Variants in MARCHF10 observed in about 807,000 individuals in gnomAD.
MARCHF10 encodes the protein probable E3 ubiquitin-protein ligase MARCHF10.
MARCHF10 carries 64 observed loss-of-function variants against 76.2 expected under a neutral mutation model. The observed-to-expected ratio is 0.84, with a 90% confidence interval of 0.69 to 1.03. MARCHF10 has a LOEUF of 1.03. Among genes scored for constraint, MARCHF10 ranks in the 50% least tolerant of loss-of-function variants. The probability of loss-of-function intolerance (pLI) is 0.00; values close to 1 mark genes in which losing one functional copy is unlikely to be tolerated. For synonymous variants in MARCHF10, 340 were observed against 357.5 expected (o/e 0.95, Z 0.55); for missense variants, 875 against 958.0 (o/e 0.91, Z 1.14).
chr17:62,796,109 A>G (rs1231825395), intron 2 of MARCHF10, among the ~76,000 whole-genome samples: 1 of 151,444 alleles, frequency 6.6e-6, no homozygotes, highest in Non-Finnish European at 1.5e-5. Flanking sequence ...AGTTCAAGCT[A>G]TTCTCCTGCC....
chr17:62,792,620 G>A (rs1227360654), intron 2 of MARCHF10, among the ~76,000 whole-genome samples: 9 of 88,788 alleles, frequency 1.0e-4, no homozygotes, highest in South Asian at 4.1e-4. Flanking sequence ...AACCACCAAC[G>A]CCTCCATCAC....
chr17:62,793,403 TCAC>T (rs1334926132), intron 2 of MARCHF10, among the ~76,000 whole-genome samples: 4 of 89,164 alleles, frequency 4.5e-5, no homozygotes, highest in African/African-American at 1.8e-4. Flanking sequence ...ACGACCTCCA[TCAC>T]CACCACCATC....
In MARCHF10 at chr17:62,802,454, A is replaced by G. The variant is rs560731111; in HGVS notation, c.-17-702T>C. The stretch of plus-strand genomic sequence containing the variant: ...GGGCTGGTCTCGAGTTCCTGACCTC[A>G]GGTGATTCACTCGCCTCAGCCTCCC... On this transcript the variant is annotated intron_variant, in intron 1 of 10. Transcript: ENST00000311269. Among the ~76,000 whole-genome samples, 85 of 152,240 alleles carry G rather than the reference A, an allele frequency of 5.6e-4. 1 individual carries two copies. The highest frequency in any genetic ancestry group is 1.9e-3 in the African/African-American group (80 of 41,542).
At chr17:62,729,500 TA>T (rs775191665) in intron 6 of MARCHF10, among the ~76,000 whole-genome samples, 3 of 148,096 alleles carry the variant, frequency 2.0e-5, no homozygotes, top group South Asian at 2.1e-4. Flanking sequence ...ATAAATATAC[TA>T]AAAATATATT....
At chr17:62,706,654 C>T (rs983195468) in intron 9 of MARCHF10, among the ~76,000 whole-genome samples, 1 of 152,176 alleles carries the variant, frequency 6.6e-6, no homozygotes, top group Non-Finnish European at 1.5e-5. Flanking sequence ...GCTTCTAGAT[C>T]GTACCTGCCC....
intron 2 of MARCHF10, 40 bp from the exon 3 acceptor site, chr17:62,788,639 T>C (rs1568211966): frequency 1.2e-6 from 2 of 1,611,304 alleles, no homozygotes; most frequent in African/African-American, 1.3e-5. Context: ...CTTAGGACCA[T>C]GGCAAGCTTG....
At chr17:62,790,216 C>T (rs2092819408) in intron 2 of MARCHF10, among the ~76,000 whole-genome samples, 1 of 151,964 alleles carries the variant, frequency 6.6e-6, no homozygotes, top group African/African-American at 2.4e-5. Context: ...CGCTCTGTCA[C>T]CCAGGCTGCA....
At chr17:62,772,328 C>A in intron 3 of MARCHF10, among the ~76,000 whole-genome samples, 1 of 152,268 alleles carries the variant, frequency 6.6e-6, no homozygotes, top group East Asian at 1.9e-4. Context: ...AAGTGCCTTT[C>A]GCCTTCTGCC....
chr17:62,744,829 C>T (rs1343744802), intron 4 of MARCHF10, among the ~76,000 whole-genome samples: 1 of 151,880 alleles, frequency 6.6e-6, no homozygotes, highest in East Asian at 2.0e-4. Flanking sequence ...GCATGGCCAA[C>T]ATGGTGAAAC....
intron 8 of MARCHF10, among the ~76,000 whole-genome samples, chr17:62,718,109 T>C (rs1379609609): frequency 6.6e-6 from 1 of 152,178 alleles, no homozygotes; most frequent in Admixed American, 6.5e-5. Context: ...ACTCTGTCTA[T>C]GAGGTGATGT....
chr17:62,703,676 G>T (rs1394307096), intron 10 of MARCHF10, among the ~76,000 whole-genome samples: 1 of 152,222 alleles, frequency 6.6e-6, no homozygotes, highest in Admixed American at 6.5e-5. Context: ...ATCCTCCAGC[G>T]GGTCCCAGTT....
chr17:62,735,629 G>C (rs539242118), intron 6 of MARCHF10: 1 of 327,376 alleles, frequency 3.1e-6, no homozygotes, highest in East Asian at 7.1e-5. Context: ...CTGGAGAGAA[G>C]AACAAGCCCT....
intron 4 of MARCHF10, among the ~76,000 whole-genome samples, chr17:62,753,202 G>A (rs2091947668): frequency 6.6e-6 from 1 of 152,104 alleles, no homozygotes; most frequent in South Asian, 2.1e-4. Flanking sequence ...TGCCTTCTGG[G>A]TTCAAGCGAT....
chr17:62,777,816 C>T (rs2092581828), intron 3 of MARCHF10, among the ~76,000 whole-genome samples: 3 of 151,662 alleles, frequency 2.0e-5, no homozygotes, highest in African/African-American at 7.3e-5. Flanking sequence ...GGTAGTCCTA[C>T]TCCACAAGGA....
Position 62,736,730 on chromosome 17 carries a change from G to A in MARCHF10, c.1138C>T (p.Pro380Ser). 1.9e-6 allele frequency: 3 copies of A among 1,614,096 alleles called. No homozygotes were observed. The highest frequency in any genetic ancestry group is 1.7e-6 in the Non-Finnish European group (2 of 1,180,020). Residue 380 changes from proline to serine, a missense_variant, in exon 6 of 11, where the codon CCT becomes TCT. By Grantham distance (74) the Pro-to-Ser change is moderately conservative. Coordinates refer to ENST00000311269, the MANE Select transcript of MARCHF10 (RefSeq NM_152598.4). ...GQRLSQDPGL[P>S]DRESATEKDR... ...TTCTCTGTAGCAGATTCCCTATCAG[G>A]CAGCCCGGGGTCTTGGGACAACCTT...
At chr17:62,705,817 A>T in intron 9 of MARCHF10, among the ~76,000 whole-genome samples, 1 of 152,060 alleles carries the variant, frequency 6.6e-6, no homozygotes, top group East Asian at 1.9e-4. Context: ...CGGGCTTCTA[A>T]ATTTGGCAGC....
chr17:62,737,706 ACTT>A (rs1229691859), intron 5 of MARCHF10: 3 of 200,638 alleles, frequency 1.5e-5, no homozygotes, highest in Non-Finnish European at 2.9e-5. Flanking sequence ...TCTGGGAATG[ACTT>A]CTACAAAAAC....
intron 3 of MARCHF10, among the ~76,000 whole-genome samples, chr17:62,761,915 C>T (rs757147862): frequency 6.6e-6 from 1 of 152,186 alleles, no homozygotes; most frequent in African/African-American, 2.4e-5. Flanking sequence ...CCAACAAAAT[C>T]AGCTCACTGC....
At chr17:62,775,222 T>A (rs974292847) in intron 3 of MARCHF10, among the ~76,000 whole-genome samples, 5 of 149,660 alleles carry the variant, frequency 3.3e-5, no homozygotes, top group Admixed American at 6.7e-5. Context: ...GCCTCTCGGG[T>A]TCAGGCAATT....
Sources: gnomAD v4.1 joint callset for allele counts (sites outside exome capture counted in the v4.1 genomes callset) on GRCh38, gnomAD v4.1.1 for gene constraint, MANE v1.5 for transcripts, NCBI Gene and HGNC (gene_info 2026-07-23, HGNC 2026-07-21) for gene names.